CFAP74: variants seen among roughly 807,000 people sequenced by gnomAD.
CFAP74 encodes the protein cilia and flagella associated protein 74, also known as cilia- and flagella-associated protein 74.
A neutral mutation model predicts 188.9 loss-of-function variants in CFAP74; 124 were observed. That is an observed-to-expected ratio of 0.66 (90% CI 0.57 to 0.76). The LOEUF is 0.76. CFAP74 is among the 30% of genes least tolerant of loss of function. CFAP74 has a pLI of 0.00. For synonymous variants in CFAP74, 956 were observed against 916.7 expected, an observed-to-expected ratio of 1.04 and a Z score of -0.77; for missense variants, 2,198 against 2,165.2, an observed-to-expected ratio of 1.02 and a Z score of -0.30.
At chr1:1,938,271 CCA>C (rs968660927) in intron 25 of CFAP74, among the ~76,000 whole-genome samples, 1 of 150,924 alleles carries the variant, frequency 6.6e-6, no homozygotes, top group African/African-American at 2.4e-5. Context: ...CCTTACACAC[CCA>C]CATACATGCA....
At chr1:1,979,300 G>A (rs1364944169) in intron 6 of CFAP74, among the ~76,000 whole-genome samples, 1 of 135,860 alleles carries the variant, frequency 7.4e-6, no homozygotes, top group Non-Finnish European at 1.6e-5. Context: ...CACAGAACAC[G>A]TGTGTCGTGC....
intron 6 of CFAP74, among the ~76,000 whole-genome samples, chr1:1,982,727 G>A (rs1045604837): frequency 1.3e-5 from 2 of 152,228 alleles, no homozygotes; most frequent in Admixed American, 1.3e-4. Context: ...CCGGGCGCTC[G>A]GGGCCGCCTG....
At chr1:2,003,623 C>T (rs1015873437) in intron 1 of CFAP74, 78 bp downstream of exon 1, 3 of 152,216 alleles carry the variant, frequency 2.0e-5, no homozygotes, top group African/African-American at 7.2e-5. Context: ...TCATATGGGA[C>T]GGAGTTCTGC....
intron 18 of CFAP74, among the ~76,000 whole-genome samples, chr1:1,953,020 A>G (rs1654298883): frequency 6.6e-6 from 1 of 152,212 alleles, no homozygotes; most frequent in Admixed American, 6.5e-5. Context: ...TATGCCAATC[A>G]GATTCATGCT....
intron 10 of CFAP74, among the ~76,000 whole-genome samples, chr1:1,970,163 G>A (rs527497128): frequency 4.1e-4 from 62 of 152,342 alleles, no homozygotes; most frequent in Non-Finnish European, 6.3e-4. Context: ...TGTTCACCAC[G>A]GACCCAAGCT....
chr1:1,930,401 CG>C (rs1652279320), intron 25 of CFAP74, 65 bp from the exon 26 acceptor site: 3 of 1,436,812 alleles, frequency 2.1e-6, no homozygotes, highest in Admixed American at 2.3e-5. Context: ...GCGGCAGGCG[CG>C]GGGGCCACTG....
intron 1 of CFAP74, among the ~76,000 whole-genome samples, chr1:1,993,910 A>T (rs924990628): frequency 6.6e-6 from 1 of 150,394 alleles, no homozygotes; most frequent in African/African-American, 2.5e-5. Context: ...TGAACCCGGG[A>T]GGCGGAGCTT....
intron 18 of CFAP74, chr1:1,955,204 G>A: frequency 7.8e-7 from 1 of 1,289,002 alleles, no homozygotes; most frequent in Non-Finnish European, 1.0e-6. Context: ...GCGTATGTGG[G>A]AAAACGATCA....
At chr1:1,940,249 G>A in intron 23 of CFAP74, 67 bp downstream of exon 23, 1 of 1,279,482 alleles carries the variant, frequency 7.8e-7, no homozygotes, top group Non-Finnish European at 1.1e-6. Context: ...TGCTGGGCCT[G>A]GCCTCCCAGG....
intron 8 of CFAP74, among the ~76,000 whole-genome samples, 166 bp downstream of exon 8, chr1:1,972,771 G>A (rs560276946): frequency 3.9e-5 from 6 of 152,216 alleles, no homozygotes; most frequent in South Asian, 2.1e-4. Context: ...GCTTGAACCC[G>A]GGAGGCGGAG....
In CFAP74 at chr1:1,968,948, C is replaced by T. The variant is rs1437725683; in HGVS notation, c.1047-115G>A. ...CGCCCTCCTGGGGGCTCCGGTCCTG[C>T]CCAGCAGCCCCAGGTGAGACAGCGC... On this transcript the variant is annotated intron_variant, in intron 10 of 38. Coordinates refer to ENST00000682832, the MANE Select transcript of CFAP74 (RefSeq NM_001304360.2). This position sits in a 1 kb window ranked among gnomAD's most constrained non-coding sequence, Gnocchi z 4.3. 2 of 518,082 alleles carry T rather than the reference C, an allele frequency of 3.9e-6. No homozygotes were observed. The highest frequency in any genetic ancestry group is 6.2e-6 in the Non-Finnish European group (2 of 323,778). 32.1% of individuals were successfully genotyped at this position (518,082 alleles called of 1,614,324 possible).
intron 10 of CFAP74, among the ~76,000 whole-genome samples, chr1:1,969,459 TGCCCAGCCCAGCCCTGCCCGGCCCA>T (rs1474186138): frequency 3.0e-5 from 2 of 67,276 alleles, no homozygotes; most frequent in African/African-American, 1.1e-4. Context: ...TGCCCAGCCC[TGCCCAGCCCAGCCCTGCCCGGCCCA>T]GCCCTGCCCA....
At chr1:1,979,799 C>T (rs1242474722) in intron 6 of CFAP74, among the ~76,000 whole-genome samples, 1 of 116,164 alleles carries the variant, frequency 8.6e-6, no homozygotes, top group African/African-American at 3.3e-5. Flanking sequence ...GAAGGCGTCA[C>T]ATGACGAAGC....
Position 1,966,361 on chromosome 1 carries a change from G to T in CFAP74, c.1401+10C>A, listed in dbSNP as rs1229268708. ...CGTCTGCAAGCGTCTAAAGGAGCAG[G>T]AGCTGATACCTGGTATGGCTTGTAG... On this transcript the variant is annotated intron_variant, in intron 12 of 38. Transcript: ENST00000682832. 13 of 1,520,924 alleles carry T rather than the reference G, an allele frequency of 8.5e-6. No individual in the cohort carries two copies. Among genetic ancestry groups the T allele is most frequent in the Non-Finnish European group, 1.2e-5 (13 of 1,127,378 alleles). 94.2% of individuals were successfully genotyped at this position (1,520,924 alleles called of 1,614,324 possible). A position where few individuals can be genotyped will look rare whatever the true frequency, so the allele number is the denominator to read the frequency against.
intron 18 of CFAP74, 29 bp downstream of exon 18, chr1:1,955,662 C>T (rs1290238865): frequency 1.7e-5 from 27 of 1,604,872 alleles, no homozygotes; most frequent in Non-Finnish European, 2.1e-5. Context: ...CGCCCGCCCA[C>T]CCTGGCTTGG....
chr1:1,956,507 C>T (rs943511867), intron 17 of CFAP74, 113 bp downstream of exon 17: 2 of 1,340,806 alleles, frequency 1.5e-6, no homozygotes, highest in African/African-American at 2.9e-5. Flanking sequence ...CACTGCCCTC[C>T]TTCTCCCAGG....
chr1:1,926,135 G>A, intron 32 of CFAP74, 93 bp downstream of exon 32: 1 of 1,443,996 alleles, frequency 6.9e-7, no homozygotes, highest in African/African-American at 1.4e-5. Context: ...TCCCAGGCCT[G>A]AGCACAGGTG....
intron 18 of CFAP74, among the ~76,000 whole-genome samples, chr1:1,948,498 G>A (rs990752548): frequency 2.7e-5 from 4 of 150,866 alleles, no homozygotes; most frequent in Admixed American, 6.6e-5. Flanking sequence ...CTGCTTAAGC[G>A]ATCCTCCTGC....
chr1:1,922,795 G>A, intron 37 of CFAP74, 72 bp from the exon 38 acceptor site: 16 of 1,538,450 alleles, frequency 1.0e-5, no homozygotes, highest in Non-Finnish European at 1.3e-5. Context: ...TAGGGGTGAG[G>A]GTGCCCAGCT....
Sources: gnomAD v4.1 joint callset for allele counts (sites outside exome capture counted in the v4.1 genomes callset) on GRCh38, gnomAD v4.1.1 for gene constraint, Gnocchi (gnomAD v3.1) non-coding constraint, MANE v1.5 for transcripts, NCBI Gene and HGNC (gene_info 2026-07-23, HGNC 2026-07-21) for gene names.